Variants in CCDC192 observed in about 807,000 individuals in gnomAD.
CCDC192 encodes coiled-coil domain-containing protein 192.
rs34046354 is a variant in CCDC192, at chr5:127,862,928, TAAAA to T, written c.412-12593_412-12590del. On this transcript the variant is annotated intron_variant, in intron 5 of 6. Transcript: ENST00000514853. ...CAGTAGCATAGACTGTTCCTTTATT[TAAAA>T]AAAAAAAAAAAAAAAAGGAGGAAGG... Among the ~76,000 whole-genome samples the T allele has an allele frequency of 5.5e-3, 733 of 134,284 alleles. 13 individuals carry two copies. The highest frequency in any genetic ancestry group is 0.019 in the African/African-American group (678 of 36,366). The allele number at this position is 134,284 out of a possible 152,430, so 88.1% of individuals were successfully genotyped here.
At chr5:127,855,733 G>A (rs1017733504) in intron 5 of CCDC192, among the ~76,000 whole-genome samples, 1 of 152,222 alleles carries the variant, frequency 6.6e-6, no homozygotes, top group African/African-American at 2.4e-5. Flanking sequence ...TGTTATGTGA[G>A]TAGGCATGAG....
At chr5:127,799,677 G>A (rs930337242) in intron 5 of CCDC192, among the ~76,000 whole-genome samples, 1 of 152,142 alleles carries the variant, frequency 6.6e-6, no homozygotes, top group Admixed American at 6.5e-5. Flanking sequence ...TGGTGCCTTA[G>A]GGAAATTCCT....
intron 6 of CCDC192, among the ~76,000 whole-genome samples, chr5:127,924,048 G>A (rs1176181443): frequency 6.6e-6 from 1 of 152,112 alleles, no homozygotes; most frequent in Non-Finnish European, 1.5e-5. Context: ...CTGTTATTTG[G>A]AGCTGGATCA....
chr5:127,769,280 G>A (rs1755411633), intron 3 of CCDC192, among the ~76,000 whole-genome samples: 1 of 152,158 alleles, frequency 6.6e-6, no homozygotes, highest in Admixed American at 6.5e-5. Flanking sequence ...ATGAATGGAT[G>A]GTGCCATGTA....
chr5:127,768,651 C>G (rs910730849), intron 3 of CCDC192, among the ~76,000 whole-genome samples: 1 of 152,180 alleles, frequency 6.6e-6, no homozygotes, highest in African/African-American at 2.4e-5. Flanking sequence ...TAAGTAGACC[C>G]TTGGAGGTCT....
intron 5 of CCDC192, among the ~76,000 whole-genome samples, chr5:127,844,933 A>T (rs372826139): frequency 1.2e-3 from 180 of 152,178 alleles, no homozygotes; most frequent in African/African-American, 3.9e-3. Flanking sequence ...GACTTTTGTT[A>T]TTTGTTTATT....
rs951557371 is a variant in CCDC192 at position 127,752,589 on chromosome 5, A to G, written c.115-1679A>G. ...TTGTTTGTCTGTGCCCTGCCCCCAG[A>G]GGTGGAGCCTACAGAGGCAGGCAGG... On this transcript the variant is annotated intron_variant, in intron 2 of 6. Transcript: ENST00000514853. Among the ~76,000 whole-genome samples, 31 of 152,336 alleles carry G rather than the reference A, an allele frequency of 2.0e-4. 1 individual carries two copies. Among genetic ancestry groups the G allele is most frequent in the South Asian group, 2.1e-4 (1 of 4,828 alleles).
intron 5 of CCDC192, among the ~76,000 whole-genome samples, chr5:127,868,862 G>C (rs1043586770): frequency 6.6e-6 from 1 of 152,096 alleles, no homozygotes; most frequent in African/African-American, 2.4e-5. Context: ...AAGACACTGA[G>C]GCATGCACAG....
chr5:127,770,673 C>G (rs1367496692), intron 3 of CCDC192, among the ~76,000 whole-genome samples: 1 of 152,148 alleles, frequency 6.6e-6, no homozygotes, highest in Non-Finnish European at 1.5e-5. Flanking sequence ...TGGATCTGAT[C>G]CAGGAGCGAA....
intron 3 of CCDC192, among the ~76,000 whole-genome samples, chr5:127,781,234 C>A (rs1475402475): frequency 1.3e-5 from 2 of 152,018 alleles, no homozygotes; most frequent in East Asian, 3.9e-4. Flanking sequence ...TGACTATGGC[C>A]TTATAGTATA....
intron 2 of CCDC192, among the ~76,000 whole-genome samples, chr5:127,734,767 T>A (rs1402319833): frequency 6.6e-6 from 1 of 151,220 alleles, no homozygotes; most frequent in Admixed American, 6.6e-5. Context: ...CACTTTTTGA[T>A]GGGGTTGTTT....
intron 5 of CCDC192, among the ~76,000 whole-genome samples, chr5:127,827,317 A>G (rs534918295): frequency 9.9e-5 from 15 of 152,176 alleles, no homozygotes; most frequent in Admixed American, 2.0e-4. Flanking sequence ...AAGATATTAG[A>G]TCTTGGTAGC....
intron 2 of CCDC192, among the ~76,000 whole-genome samples, chr5:127,749,809 C>T (rs1256577692): frequency 1.3e-5 from 2 of 152,124 alleles, no homozygotes; most frequent in East Asian, 3.9e-4. Context: ...TTGGTCTATT[C>T]AGAGATTCAA....
At chr5:127,877,071 CATTGGAG>C (rs1752111113) in intron 6 of CCDC192, among the ~76,000 whole-genome samples, 1 of 152,170 alleles carries the variant, frequency 6.6e-6, no homozygotes, top group African/African-American at 2.4e-5. Flanking sequence ...TTGTAGAGCA[CATTGGAG>C]AAAGTTCCCC....
intron 5 of CCDC192, among the ~76,000 whole-genome samples, chr5:127,807,696 A>G (rs1355160388): frequency 6.6e-6 from 1 of 152,086 alleles, no homozygotes. Context: ...CCAGCTGGCC[A>G]TTTCAACCAG....
intron 6 of CCDC192, among the ~76,000 whole-genome samples, chr5:127,901,109 C>G (rs1753026710): frequency 6.6e-6 from 1 of 152,096 alleles, no homozygotes; most frequent in African/African-American, 2.4e-5. Context: ...AAATTATAAT[C>G]AATTTTATCC....
intron 3 of CCDC192, among the ~76,000 whole-genome samples, chr5:127,758,199 T>C (rs1013288297): frequency 3.9e-5 from 6 of 152,188 alleles, no homozygotes; most frequent in African/African-American, 1.4e-4. Context: ...TGTTGTTACC[T>C]GCATTAATCA....
At chr5:127,741,621 G>A (rs1186967241) in intron 2 of CCDC192, among the ~76,000 whole-genome samples, 1 of 152,100 alleles carries the variant, frequency 6.6e-6, no homozygotes, top group Admixed American at 6.6e-5. Flanking sequence ...ATGATAGAGG[G>A]CTATTTTAGG....
chr5:127,786,459 T>C (rs749414917), intron 3 of CCDC192: 9 of 629,544 alleles, frequency 1.4e-5, no homozygotes, highest in Non-Finnish European at 2.4e-5. Context: ...ACTCACAGTT[T>C]TGTATTGATG....
Sources: allele counts gnomAD v4.1 joint callset (sites outside exome capture counted in the v4.1 genomes callset), GRCh38; gene constraint gnomAD v4.1.1; transcripts MANE v1.5; gene names NCBI Gene and HGNC (gene_info 2026-07-23, HGNC 2026-07-21).